CALN1: variants seen among roughly 807,000 people sequenced by gnomAD.
CALN1 encodes calcium-binding protein 8.
A neutral mutation model predicts 30.6 loss-of-function variants in CALN1; 17 were observed. The observed-to-expected ratio is 0.56, with a 90% CI of 0.38 to 0.83. CALN1 has a LOEUF of 0.83. Ranked by LOEUF, CALN1 falls within the 40% of genes least tolerant of loss-of-function variation. CALN1 has a pLI of 0.00. For missense variants in CALN1, 291 were observed against 354.9 expected (o/e 0.82, Z 1.45); for synonymous variants, 156 against 131.4 (o/e 1.19, Z -1.28).
chr7:72,011,960 C>T (rs1800106859), intron 5 of CALN1, among the ~76,000 whole-genome samples: 1 of 152,164 alleles, frequency 6.6e-6, no homozygotes, highest in Admixed American at 6.6e-5. Context: ...AATGAAAATT[C>T]TGCACCTTCC....
intron 3 of CALN1, among the ~76,000 whole-genome samples, chr7:72,165,569 C>G (rs910618777): frequency 3.9e-5 from 6 of 151,990 alleles, no homozygotes; most frequent in African/African-American, 1.5e-4. Flanking sequence ...GCCTGGCCAA[C>G]AGGGCCAAAA....
chr7:71,815,151 T>C (rs1788187755), intron 5 of CALN1, among the ~76,000 whole-genome samples: 1 of 152,182 alleles, frequency 6.6e-6, no homozygotes, highest in South Asian at 2.1e-4. Flanking sequence ...ATCAACTTTT[T>C]ATATTATTGG....
chr7:72,374,660 T>A (rs1262441730), intron 2 of CALN1, among the ~76,000 whole-genome samples: 1 of 151,850 alleles, frequency 6.6e-6, no homozygotes, highest in Non-Finnish European at 1.5e-5. Flanking sequence ...ATCATTTTAA[T>A]GAAAGATGAA....
intron 2 of CALN1, among the ~76,000 whole-genome samples, chr7:72,333,995 T>A (rs1275074482): frequency 6.6e-6 from 1 of 152,198 alleles, no homozygotes; most frequent in Admixed American, 6.5e-5. Flanking sequence ...GCCCCGCACA[T>A]AGGATCGAAA....
chr7:71,879,754 C>A (rs1014806603), intron 5 of CALN1, among the ~76,000 whole-genome samples: 2 of 152,156 alleles, frequency 1.3e-5, no homozygotes, highest in Admixed American at 1.3e-4. Flanking sequence ...ACCAAAAGGA[C>A]CCTCCTGGGC....
chr7:72,405,629 C>G (rs574567126), intron 1 of CALN1, among the ~76,000 whole-genome samples: 63 of 152,102 alleles, frequency 4.1e-4, no homozygotes, highest in Non-Finnish European at 6.9e-4. Context: ...TCCCCACACA[C>G]GCGGCACATG....
intron 3 of CALN1, among the ~76,000 whole-genome samples, chr7:72,237,085 A>G (rs546471421): frequency 6.6e-6 from 1 of 151,566 alleles, no homozygotes; most frequent in South Asian, 2.1e-4. Flanking sequence ...CCTGGGTTCA[A>G]GCAATTGTCC....
chr7:71,798,049 AAG>A (rs967391489), intron 6 of CALN1, among the ~76,000 whole-genome samples: 1 of 142,562 alleles, frequency 7.0e-6, no homozygotes, highest in African/African-American at 2.6e-5. Context: ...GAGAGCAGGC[AAG>A]AGAGAGAGAC....
At position 71,847,448 on chromosome 7, in the gene CALN1, A is replaced by AT. The variant is rs540348005; in HGVS notation, c.502-36957_502-36956insA. 2.0e-3 allele frequency among the ~76,000 whole-genome samples: 300 copies of AT among 151,944 alleles called. 2 individuals carry two copies. Among genetic ancestry groups the AT allele is most frequent in the South Asian group, 2.1e-3 (10 of 4,812 alleles). The stretch of plus-strand genomic sequence containing the variant: ...GTGGATCACCTGAGGTCAGGAGTTC[A>AT]AGACCAGCCTGGCCAACATGGTGAA... On this transcript the variant is annotated intron_variant, in intron 5 of 6. Coordinates refer to ENST00000395275, the MANE Select transcript of CALN1 (RefSeq NM_031468.4).
chr7:72,126,312 G>A (rs1442761679), intron 3 of CALN1, among the ~76,000 whole-genome samples: 1 of 151,978 alleles, frequency 6.6e-6, no homozygotes, highest in South Asian at 2.1e-4. Flanking sequence ...CCACTCATTG[G>A]TTGATGGGCT....
the CALN1 span, among the ~76,000 whole-genome samples, chr7:72,495,929 CA>C: frequency 6.6e-6 from 1 of 151,968 alleles, no homozygotes; most frequent in African/African-American, 2.4e-5. Flanking sequence ...TTATTGTTTT[CA>C]GTTTTTTTGT....
At chr7:72,378,757 G>T (rs1311218550) in intron 2 of CALN1, among the ~76,000 whole-genome samples, 1 of 151,454 alleles carries the variant, frequency 6.6e-6, no homozygotes, top group Non-Finnish European at 1.5e-5. Context: ...TAGTAGAGAC[G>T]AAGTTTCACC....
chr7:72,314,348 T>C (rs11772247), intron 2 of CALN1, among the ~76,000 whole-genome samples: 16 of 129,990 alleles, frequency 1.2e-4, no homozygotes, highest in South Asian at 5.1e-4. Context: ...CATATATATA[T>C]ACATATATAT....
chr7:72,466,222 A>AT, the CALN1 span, among the ~76,000 whole-genome samples: 1 of 152,122 alleles, frequency 6.6e-6, no homozygotes. Flanking sequence ...GACCCAACAG[A>AT]CTTTTCTTGA....
rs143806207 is a variant in CALN1 at position 72,181,592 on chromosome 7, C to T, written c.245-75298G>A. ...CCCCAGGTTCAAGCGATTCTCCTCC[C>T]TCAGCCTCCTGAGTAGCTGGGATTA... On this transcript the variant is annotated intron_variant, in intron 3 of 6. Coordinates refer to ENST00000395275, the MANE Select transcript of CALN1 (RefSeq NM_031468.4). Among the ~76,000 whole-genome samples, 856 of 152,168 alleles carry T rather than the reference C, an allele frequency of 5.6e-3. 9 individuals carry two copies. The highest frequency in any genetic ancestry group is 0.018 in the African/African-American group (751 of 41,510).
chr7:71,842,014 A>G (rs1008507350), intron 5 of CALN1, among the ~76,000 whole-genome samples: 1 of 152,076 alleles, frequency 6.6e-6, no homozygotes, highest in Non-Finnish European at 1.5e-5. Context: ...GAAAAAAAAA[A>G]AAGACAAAAA....
chr7:71,940,780 T>A (rs1015982191), intron 5 of CALN1, among the ~76,000 whole-genome samples: 8 of 152,030 alleles, frequency 5.3e-5, no homozygotes. Context: ...TCCAGATAAT[T>A]TTTTGTAATT....
At chr7:72,115,548 G>A (rs1428153429) in intron 3 of CALN1, among the ~76,000 whole-genome samples, 2 of 135,154 alleles carry the variant, frequency 1.5e-5, no homozygotes, top group Non-Finnish European at 3.0e-5. Context: ...GAGCACAGTG[G>A]TGCGATCTCG....
chr7:72,204,267 T>A (rs1365212577), intron 3 of CALN1, among the ~76,000 whole-genome samples: 1 of 151,882 alleles, frequency 6.6e-6, no homozygotes, highest in African/African-American at 2.4e-5. Context: ...AGTGCTGGGA[T>A]TACAGGTGTG....
Sources: allele counts gnomAD v4.1 joint callset (sites outside exome capture counted in the v4.1 genomes callset), GRCh38; gene constraint gnomAD v4.1.1; transcripts MANE v1.5; gene names NCBI Gene and HGNC (gene_info 2026-07-23, HGNC 2026-07-21).